The following PLEKHA2 variants were observed in gnomAD, a reference collection of about 807,000 sequenced individuals.
PLEKHA2 encodes pleckstrin homology domain containing A2.
Under a neutral mutation model 53.2 loss-of-function variants are expected in PLEKHA2, and 28 were observed. The observed-to-expected ratio is 0.53, with a 90% CI of 0.39 to 0.72. The LOEUF (loss-of-function observed/expected upper bound fraction) is 0.72. PLEKHA2 is among the 30% of genes least tolerant of loss of function. PLEKHA2 has a pLI of 0.00. For synonymous variants in PLEKHA2, 193 were observed against 196.4 expected (o/e 0.98, Z 0.14); for missense variants, 426 against 537.9 (o/e 0.79, Z 2.06).
intron 6 of PLEKHA2, among the ~76,000 whole-genome samples, chr8:38,951,239 C>T (rs77086485): frequency 0.13 from 19,606 of 152,042 alleles, 1,358 homozygotes; most frequent in Admixed American, 0.2. Flanking sequence ...GTGCCGAACA[C>T]GGGAGACACA....
rs370649900 is a variant in PLEKHA2 at position 38,953,316 on chromosome 8, C to T, written c.722C>T (p.Thr241Ile). Residue 241 changes from threonine (T) to isoleucine (I), a missense_variant, in exon 9 of 12, where the codon ACC (threonine) becomes ATC (isoleucine). Transcript: ENST00000617275. Reference protein sequence around the residue: ...KCEQDREPLRTIFLKDVLKTH... With the variant: ...KCEQDREPLRIIFLKDVLKTH... ...CACCAGGACCGAGAACCACTGCGCA[C>T]CATATTTCTTAAGGATGTTCTGAAG... 1.5e-5 allele frequency: 25 copies of T among 1,613,266 alleles called. No individual in the cohort carries two copies. The highest frequency in any genetic ancestry group is 2.0e-5 in the Non-Finnish European group (23 of 1,179,352).
intron 2 of PLEKHA2, among the ~76,000 whole-genome samples, chr8:38,927,579 G>T (rs189346451): frequency 1.3e-5 from 2 of 152,104 alleles, no homozygotes; most frequent in African/African-American, 2.4e-5. Context: ...TTGCATGTTT[G>T]GGGGAGGGGT....
rs1418480935 is a variant in PLEKHA2 at position 38,972,797 on chromosome 8, A to C, written c.*3014A>C. The stretch of plus-strand genomic sequence containing the variant: ...TTTTTTTTTTTAAAGGAACTAAAAA[A>C]TGTACTGCATTTTCTTTGTGGAATA... On this transcript the variant is annotated 3_prime_UTR_variant, in exon 12 of 12. Transcript: ENST00000617275. 6.6e-6 allele frequency: 1 copy of C among 152,130 alleles called. No homozygotes were observed. The highest frequency in any genetic ancestry group is 1.5e-5 in the Non-Finnish European group (1 of 68,036). 9.4% of individuals were successfully genotyped at this position (152,130 alleles called of 1,614,324 possible). A position where few individuals can be genotyped will look rare whatever the true frequency, so the allele number is the denominator to read the frequency against.
chr8:38,953,470 C>T (rs1490867310), intron 9 of PLEKHA2, 103 bp downstream of exon 9: 1 of 1,191,624 alleles, frequency 8.4e-7, no homozygotes, highest in East Asian at 2.3e-5. Context: ...CATCTTCTTC[C>T]AAGAGCCAGG....
intron 4 of PLEKHA2, among the ~76,000 whole-genome samples, chr8:38,944,384 G>A (rs974856379): frequency 1.3e-5 from 2 of 152,048 alleles, no homozygotes; most frequent in Admixed American, 6.6e-5. Context: ...GGGCGTGGTG[G>A]TGAGTACCTG....
At chr8:38,932,822 C>A (rs1295705756) in intron 2 of PLEKHA2, among the ~76,000 whole-genome samples, 1 of 152,176 alleles carries the variant, frequency 6.6e-6, no homozygotes, top group Admixed American at 6.5e-5. Context: ...ATCAGACACG[C>A]GTCATATTTT....
At chr8:38,956,448 G>A (rs1054084027) in intron 9 of PLEKHA2, among the ~76,000 whole-genome samples, 6 of 152,132 alleles carry the variant, frequency 3.9e-5, no homozygotes, top group Non-Finnish European at 7.3e-5. Context: ...TGGAGGAGAC[G>A]GTTTAGGGAG....
At chr8:38,918,702 C>T (rs570142120) in intron 2 of PLEKHA2, among the ~76,000 whole-genome samples, 69 of 150,350 alleles carry the variant, frequency 4.6e-4, no homozygotes, top group Middle Eastern at 3.4e-3. Flanking sequence ...ACACACACCA[C>T]ACACGCATGC....
rs931596489 is a variant in PLEKHA2 at position 38,939,533 on chromosome 8, GCAAA to G, written c.198+3493_198+3496del. On this transcript the variant is annotated intron_variant, in intron 3 of 11. Transcript: ENST00000617275. ...ACCAAAACTGGATAAACAGAGGAAA[GCAAA>G]CAAACAAACCCAAAGCCAGACCGTC... Among the ~76,000 whole-genome samples, 25 of 152,204 alleles carry G rather than the reference GCAAA, an allele frequency of 1.6e-4. 1 individual carries two copies. The highest frequency in any genetic ancestry group is 4.4e-5 in the Non-Finnish European group (3 of 68,038).
intron 1 of PLEKHA2, among the ~76,000 whole-genome samples, chr8:38,909,959 C>T (rs1833931922): frequency 7.1e-6 from 1 of 141,544 alleles, no homozygotes; most frequent in Non-Finnish European, 1.5e-5. Context: ...CATTAAAATA[C>T]TTTTTTTTTT....
At chr8:38,947,379 G>A (rs891729184) in intron 5 of PLEKHA2, among the ~76,000 whole-genome samples, 13 of 152,148 alleles carry the variant, frequency 8.5e-5, no homozygotes, top group African/African-American at 2.9e-4. Flanking sequence ...GAACCTGGGA[G>A]GCAGAGGTTG....
At chr8:38,919,188 A>G (rs951592986) in intron 2 of PLEKHA2, among the ~76,000 whole-genome samples, 5 of 152,216 alleles carry the variant, frequency 3.3e-5, no homozygotes, top group African/African-American at 4.8e-5. Flanking sequence ...AGAGCCTCAG[A>G]CACTGCACTG....
chr8:38,959,281 G>A (rs938717599), intron 10 of PLEKHA2, among the ~76,000 whole-genome samples: 3 of 152,154 alleles, frequency 2.0e-5, no homozygotes, highest in Admixed American at 6.5e-5. Flanking sequence ...GGGGAAAAGT[G>A]GCCCAGGCAA....
intron 1 of PLEKHA2, among the ~76,000 whole-genome samples, chr8:38,910,584 A>G (rs537718332): frequency 6.6e-6 from 1 of 152,242 alleles, no homozygotes; most frequent in Admixed American, 6.5e-5. Flanking sequence ...ATAACAATAT[A>G]TTGCTGGTTG....
rs1437381202 is a variant in PLEKHA2 at position 38,929,635 on chromosome 8, T to C, written c.142-6359T>C. On this transcript the variant is annotated intron_variant, in intron 2 of 11. Transcript: ENST00000617275. The stretch of plus-strand genomic sequence containing the variant: ...GGATTGTTAGGATTAGGCGACCACA[T>C]GTGAAGGTGCCTAGCAGCATGTCTG... 5.3e-5 allele frequency among the ~76,000 whole-genome samples: 8 copies of C among 152,228 alleles called. 1 individual carries two copies. Among genetic ancestry groups the C allele is most frequent in the Admixed American group, 5.2e-4 (8 of 15,286 alleles).
chr8:38,903,003 T>C (rs1833815572), intron 1 of PLEKHA2, among the ~76,000 whole-genome samples: 1 of 152,350 alleles, frequency 6.6e-6, no homozygotes, highest in African/African-American at 2.4e-5. Context: ...TAGTCTAGAT[T>C]ATGGCCAGCC....
At chr8:38,917,503 A>G (rs889538137) in intron 1 of PLEKHA2, among the ~76,000 whole-genome samples, 5 of 152,206 alleles carry the variant, frequency 3.3e-5, no homozygotes, top group African/African-American at 1.2e-4. Context: ...CTACCACTTA[A>G]TTCTCAGCCC....
chr8:38,951,959 A>G (rs1274124441), intron 6 of PLEKHA2, among the ~76,000 whole-genome samples: 3 of 152,226 alleles, frequency 2.0e-5, no homozygotes, highest in Non-Finnish European at 4.4e-5. Context: ...TGTGTTGTCC[A>G]GTCTGGTCTA....
At chr8:38,966,566 A>G (rs890381312) in intron 10 of PLEKHA2, among the ~76,000 whole-genome samples, 7 of 152,172 alleles carry the variant, frequency 4.6e-5, no homozygotes, top group African/African-American at 4.8e-5. Context: ...CTCAACCCCT[A>G]TAAAGCTGGA....
Sources: allele counts gnomAD v4.1 joint callset (sites outside exome capture counted in the v4.1 genomes callset), GRCh38; gene constraint gnomAD v4.1.1; transcripts MANE v1.5; gene names NCBI Gene and HGNC (gene_info 2026-07-23, HGNC 2026-07-21).